Variants in HK2 observed in about 807,000 individuals in gnomAD.
HK2 encodes the protein hexokinase-2.
HK2 carries 42 observed loss-of-function variants against 92.9 expected under a neutral mutation model. The observed-to-expected ratio is 0.45, with a 90% CI of 0.35 to 0.58. The LOEUF (loss-of-function observed/expected upper bound fraction) is 0.58. HK2 is among the 20% of genes least tolerant of loss of function. The pLI is 0.00. For synonymous variants in HK2, 422 were observed against 468.0 expected, an observed-to-expected ratio of 0.90 and a Z score of 1.27; for missense variants, 978 against 1,245.1, an observed-to-expected ratio of 0.79 and a Z score of 3.23.
intron 1 of HK2, among the ~76,000 whole-genome samples, chr2:74,850,240 C>G (rs901616010): frequency 6.6e-6 from 1 of 152,230 alleles, no homozygotes; most frequent in South Asian, 2.1e-4. Context: ...GGAATTCTTA[C>G]TGTTTTCTTT....
chr2:74,843,717 A>G (rs1450507253), intron 1 of HK2, among the ~76,000 whole-genome samples: 1 of 152,112 alleles, frequency 6.6e-6, no homozygotes, highest in African/African-American at 2.4e-5. Flanking sequence ...TCCTTCTGGC[A>G]TCTCCATATT....
chr2:74,880,727 A>G (rs1454573807), intron 10 of HK2, among the ~76,000 whole-genome samples, 158 bp downstream of exon 10: 2 of 152,252 alleles, frequency 1.3e-5, no homozygotes, highest in Admixed American at 6.5e-5. Flanking sequence ...AAACTCAAAC[A>G]AGGTGCTCCT....
intron 3 of HK2, among the ~76,000 whole-genome samples, chr2:74,870,126 A>G (rs1689061468): frequency 6.7e-6 from 1 of 149,696 alleles, no homozygotes; most frequent in Non-Finnish European, 1.5e-5. Flanking sequence ...CTCCTTCCTC[A>G]GCCTCCCGAG....
chr2:74,878,373 A>G (rs1573384714), intron 8 of HK2, among the ~76,000 whole-genome samples: 1 of 151,872 alleles, frequency 6.6e-6, no homozygotes, highest in East Asian at 1.9e-4. Context: ...TACATAGCAC[A>G]TGCATAAGAA....
chr2:74,846,786 A>G (rs568084929), intron 1 of HK2, among the ~76,000 whole-genome samples: 1 of 152,294 alleles, frequency 6.6e-6, no homozygotes, highest in South Asian at 2.1e-4. Context: ...TATTAGGATT[A>G]CTGGTGTGAG....
intron 2 of HK2, among the ~76,000 whole-genome samples, chr2:74,859,067 A>G (rs1201761185): frequency 6.6e-6 from 1 of 152,194 alleles, no homozygotes; most frequent in South Asian, 2.1e-4. Context: ...AATGGTCTCT[A>G]TTTGTCGTTT....
rs765189381 is a variant in HK2 at position 74,886,590 on chromosome 2, C to A, written c.2136C>A (p.Phe712Leu). ...GTGTGAACATGGAATGGGGGGCCTT[C>A]GGGGACAATGGATGCCTAGATGACT... ...RMCVNMEWGA[F>L]GDNGCLDDFR... The change falls in exon 15 of 18, where the codon TTC becomes TTA. Residue 712 changes from phenylalanine (F) to leucine (L), a missense_variant. By Grantham distance (22) the Phe-to-Leu change is conservative. Coordinates refer to ENST00000290573, the MANE Select transcript of HK2 (RefSeq NM_000189.5). 1.2e-6 allele frequency: 2 copies of A among 1,613,794 alleles called. No homozygotes were observed. Among genetic ancestry groups the A allele is most frequent in the African/African-American group, 1.3e-5 (1 of 74,804 alleles).
intron 9 of HK2, among the ~76,000 whole-genome samples, 186 bp downstream of exon 9, chr2:74,879,107 G>T (rs1364611132): frequency 6.6e-6 from 1 of 152,120 alleles, no homozygotes; most frequent in East Asian, 1.9e-4. Flanking sequence ...TCTGGTGTGG[G>T]TGGAGGTGAT....
chr2:74,865,199 G>C (rs1208457757), intron 2 of HK2, among the ~76,000 whole-genome samples: 1 of 152,106 alleles, frequency 6.6e-6, no homozygotes, highest in Non-Finnish European at 1.5e-5. Flanking sequence ...AGGGGTGTCA[G>C]GGAATGTGTG....
chr2:74,864,656 G>A (rs1262451306), intron 2 of HK2, among the ~76,000 whole-genome samples: 1 of 152,100 alleles, frequency 6.6e-6, no homozygotes, highest in East Asian at 1.9e-4. Context: ...ACAGGGCTAC[G>A]CCACCATGCC....
At chr2:74,884,007 T>C (rs3771754) in intron 12 of HK2, among the ~76,000 whole-genome samples, 100,821 of 152,114 alleles carry the variant, frequency 0.66, 33,847 homozygotes, top group African/African-American at 0.78. Context: ...ATACAATTAA[T>C]GGGATGATAA....
intron 16 of HK2, among the ~76,000 whole-genome samples, chr2:74,888,818 TCAGACCACC>T (rs1689602437): frequency 6.6e-6 from 1 of 152,026 alleles, no homozygotes; most frequent in African/African-American, 2.4e-5. Flanking sequence ...TAAATACAGT[TCAGACCACC>T]CAGAGCAGCA....
chr2:74,858,024 ATTC>A (rs1399682267), intron 2 of HK2, among the ~76,000 whole-genome samples: 3 of 152,178 alleles, frequency 2.0e-5, no homozygotes, highest in Non-Finnish European at 4.4e-5. Flanking sequence ...CATGGCTAGT[ATTC>A]TTTTCAAACC....
At chr2:74,889,813 CT>C (rs1689632570) in intron 17 of HK2, among the ~76,000 whole-genome samples, 1 of 152,220 alleles carries the variant, frequency 6.6e-6, no homozygotes, top group South Asian at 2.1e-4. Context: ...TATTTTTGAA[CT>C]TGCCACAAAT....
Position 74,891,083 on chromosome 2 carries a change from G to A in HK2, c.*142G>A. ...CCCCACTGGACTGGGTTTTGTCTCT[G>A]CATCTCATTGTAGAGCTTGGTGGCT... is the stretch of plus-strand genomic sequence containing the variant. On this transcript the variant is annotated 3_prime_UTR_variant, in exon 18 of 18. Coordinates refer to ENST00000290573, the MANE Select transcript of HK2 (RefSeq NM_000189.5). 1 of 910,510 alleles carries A rather than the reference G, an allele frequency of 1.1e-6. No homozygotes were observed. The highest frequency in any genetic ancestry group is 1.6e-5 in the African/African-American group (1 of 60,820). The allele number at this position is 910,510 out of a possible 1,614,324, so 56.4% of individuals were successfully genotyped here.
chr2:74,880,801 G>A (rs888836331), intron 10 of HK2, among the ~76,000 whole-genome samples: 1 of 152,232 alleles, frequency 6.6e-6, no homozygotes, highest in African/African-American at 2.4e-5. Context: ...CACTTTATGT[G>A]TATGAGCTCA....
intron 1 of HK2, among the ~76,000 whole-genome samples, chr2:74,840,680 A>C (rs1236541590): frequency 6.8e-6 from 1 of 147,744 alleles, no homozygotes; most frequent in Non-Finnish European, 1.5e-5. Flanking sequence ...ATCCTGGCTA[A>C]CACGGTGAAA....
At chr2:74,847,977 A>G (rs921161817) in intron 1 of HK2, among the ~76,000 whole-genome samples, 2 of 152,194 alleles carry the variant, frequency 1.3e-5, no homozygotes, top group East Asian at 3.8e-4. Context: ...AACTAAACCT[A>G]TGAAGCATTT....
At chr2:74,862,318 G>A (rs757757735) in intron 2 of HK2, among the ~76,000 whole-genome samples, 4 of 152,232 alleles carry the variant, frequency 2.6e-5, no homozygotes, top group Non-Finnish European at 5.9e-5. Context: ...GTGCTGTGCT[G>A]CTAGCACAAT....
Sources: gnomAD v4.1 joint callset for allele counts (sites outside exome capture counted in the v4.1 genomes callset) on GRCh38, gnomAD v4.1.1 for gene constraint, MANE v1.5 for transcripts, NCBI Gene and HGNC (gene_info 2026-07-23, HGNC 2026-07-21) for gene names.